Variants in ZCCHC7 observed in about 807,000 individuals in gnomAD.
ZCCHC7 encodes zinc finger CCHC domain-containing protein 7.
ZCCHC7 carries 35 observed loss-of-function variants against 52.0 expected under a neutral mutation model. The observed-to-expected ratio is 0.67, with a 90% confidence interval of 0.51 to 0.89. The LOEUF (loss-of-function observed/expected upper bound fraction) is 0.89. Ranked by LOEUF, ZCCHC7 falls within the 40% of genes least tolerant of loss-of-function variation. The pLI, the probability that ZCCHC7 is intolerant of heterozygous loss-of-function variation, is 0.00. For synonymous variants in ZCCHC7, 217 were observed against 221.5 expected, an observed-to-expected ratio of 0.98 and a Z score of 0.18; for missense variants, 574 against 649.1, an observed-to-expected ratio of 0.88 and a Z score of 1.26.
intron 1 of ZCCHC7, chr9:37,121,609 A>G (rs1842319627): frequency 6.6e-6 from 1 of 152,204 alleles, no homozygotes; most frequent in African/African-American, 2.4e-5. Flanking sequence ...GGAGAATCTG[A>G]GCATGGGGAA....
intron 2 of ZCCHC7, chr9:37,205,184 T>G: frequency 5.3e-6 from 2 of 377,674 alleles, no homozygotes; most frequent in South Asian, 5.0e-5. Flanking sequence ...CTGGTTTGTT[T>G]ACAACAATGC....
intron 7 of ZCCHC7, among the ~76,000 whole-genome samples, chr9:37,350,295 A>AT (rs1007362471): frequency 2.6e-5 from 4 of 151,272 alleles, no homozygotes; most frequent in African/African-American, 9.7e-5. Flanking sequence ...TGCCCAGCTA[A>AT]TTTTTTGTAT....
At chr9:37,272,429 A>G (rs1827463168) in intron 2 of ZCCHC7, among the ~76,000 whole-genome samples, 1 of 150,660 alleles carries the variant, frequency 6.6e-6, no homozygotes, top group Middle Eastern at 3.4e-3. Context: ...TAAATTGAAC[A>G]CCTATGTAAC....
At chr9:37,136,384 T>C (rs943022813) in intron 2 of ZCCHC7, among the ~76,000 whole-genome samples, 2 of 152,224 alleles carry the variant, frequency 1.3e-5, no homozygotes, top group Non-Finnish European at 2.9e-5. Flanking sequence ...CATGAGCTTA[T>C]AGCTTCCACT....
At chr9:37,229,472 A>G (rs527531495) in intron 2 of ZCCHC7, among the ~76,000 whole-genome samples, 87 of 152,294 alleles carry the variant, frequency 5.7e-4, no homozygotes, top group African/African-American at 2.0e-3. Context: ...TATTGCTCCT[A>G]GGGTATGAAC....
chr9:37,311,656 C>T (rs991569415), intron 5 of ZCCHC7, among the ~76,000 whole-genome samples: 9 of 152,134 alleles, frequency 5.9e-5, no homozygotes, highest in African/African-American at 1.9e-4. Flanking sequence ...GTGATCTGCC[C>T]GCCTTGGCCT....
At chr9:37,321,221 C>T (rs1191376076) in intron 5 of ZCCHC7, among the ~76,000 whole-genome samples, 1 of 151,948 alleles carries the variant, frequency 6.6e-6, no homozygotes, top group East Asian at 1.9e-4. Flanking sequence ...ATCTCCTGAC[C>T]TCGTGATCCA....
chr9:37,342,453 G>T (rs528137978), intron 6 of ZCCHC7, among the ~76,000 whole-genome samples: 1 of 152,192 alleles, frequency 6.6e-6, no homozygotes, highest in South Asian at 2.1e-4. Context: ...AATGGCAAGC[G>T]AAAAGGTTAA....
At chr9:37,329,688 A>G (rs1261743913) in intron 6 of ZCCHC7, among the ~76,000 whole-genome samples, 2 of 151,886 alleles carry the variant, frequency 1.3e-5, no homozygotes, top group Non-Finnish European at 2.9e-5. Flanking sequence ...ATCCAAATGT[A>G]TGCAATGAAG....
chr9:37,176,556 T>C (rs1387285550), intron 2 of ZCCHC7, among the ~76,000 whole-genome samples: 1 of 151,898 alleles, frequency 6.6e-6, no homozygotes, highest in Admixed American at 6.6e-5. Flanking sequence ...GTCAATATAT[T>C]TTGGTATATA....
intron 2 of ZCCHC7, among the ~76,000 whole-genome samples, chr9:37,145,215 A>G (rs1653614628): frequency 6.6e-6 from 1 of 152,096 alleles, no homozygotes; most frequent in South Asian, 2.1e-4. Context: ...AAGAATTTTA[A>G]TAGTCAACTT....
intron 5 of ZCCHC7, among the ~76,000 whole-genome samples, chr9:37,322,709 C>G (rs543502403): frequency 2.2e-4 from 33 of 150,160 alleles, no homozygotes; most frequent in African/African-American, 8.1e-4. Flanking sequence ...AAGGTGGCCA[C>G]AAACAGCTGT....
intron 2 of ZCCHC7, among the ~76,000 whole-genome samples, chr9:37,199,949 A>G (rs1319758805): frequency 2.0e-5 from 3 of 151,374 alleles, no homozygotes; most frequent in Non-Finnish European, 4.4e-5. Context: ...CAGGTGATCC[A>G]CCTGCCTCGG....
At chr9:37,155,462 A>C (rs1370850073) in intron 2 of ZCCHC7, among the ~76,000 whole-genome samples, 1 of 152,198 alleles carries the variant, frequency 6.6e-6, no homozygotes, top group Non-Finnish European at 1.5e-5. Flanking sequence ...TTTTAATATT[A>C]CATTTGACAA....
chr9:37,323,036 A>G (rs1830112746), intron 5 of ZCCHC7, among the ~76,000 whole-genome samples: 1 of 152,152 alleles, frequency 6.6e-6, no homozygotes, highest in Non-Finnish European at 1.5e-5. Context: ...TATCACAACA[A>G]TCCTTTGAGG....
At chr9:37,288,168 T>C (rs1176918817) in intron 2 of ZCCHC7, among the ~76,000 whole-genome samples, 1 of 151,640 alleles carries the variant, frequency 6.6e-6, no homozygotes, top group Non-Finnish European at 1.5e-5. Flanking sequence ...TGGTCCCAGC[T>C]ACTCGGGAGG....
intron 2 of ZCCHC7, among the ~76,000 whole-genome samples, chr9:37,176,445 G>C (rs1822036210): frequency 6.6e-6 from 1 of 152,084 alleles, no homozygotes; most frequent in South Asian, 2.1e-4. Context: ...TGTTGCTTCA[G>C]TACAGAAATG....
At chr9:37,203,834 T>C (rs868216988) in intron 2 of ZCCHC7, among the ~76,000 whole-genome samples, 8 of 152,210 alleles carry the variant, frequency 5.3e-5, no homozygotes, top group Admixed American at 1.3e-4. Flanking sequence ...GTAATGGAAT[T>C]GCTGGGTCAA....
chr9:37,324,529 T>C (rs1450544225), intron 5 of ZCCHC7, among the ~76,000 whole-genome samples: 3 of 152,198 alleles, frequency 2.0e-5, no homozygotes, highest in Non-Finnish European at 4.4e-5. Flanking sequence ...TCACTGTCTG[T>C]GATTGTGAAC....
Sources: gnomAD v4.1 joint callset for allele counts (sites outside exome capture counted in the v4.1 genomes callset) on GRCh38, gnomAD v4.1.1 for gene constraint, MANE v1.5 for transcripts, NCBI Gene and HGNC (gene_info 2026-07-23, HGNC 2026-07-21) for gene names.